NELL1: variants seen among roughly 807,000 people sequenced by gnomAD.
NELL1 encodes the protein neural EGFL like 1, also known as protein kinase C-binding protein NELL1.
In NELL1, 76 loss-of-function variants were observed where a neutral mutation model predicts 107.4. The observed-to-expected ratio is 0.71, with a 90% confidence interval of 0.59 to 0.86. The LOEUF is 0.86. NELL1 is among the 40% of genes least tolerant of loss of function. The probability of loss-of-function intolerance (pLI) is 0.00; values close to 1 mark genes in which losing one functional copy is unlikely to be tolerated. For missense variants in NELL1, 1,024 were observed against 1,005.5 expected, an observed-to-expected ratio of 1.02 and a Z score of -0.25; for synonymous variants, 353 against 341.2, an observed-to-expected ratio of 1.03 and a Z score of -0.38.
intron 5 of NELL1, among the ~76,000 whole-genome samples, chr11:20,900,783 G>C (rs1849855890): frequency 6.6e-6 from 1 of 152,098 alleles, no homozygotes; most frequent in African/African-American, 2.4e-5. Flanking sequence ...GGGTGTGTGA[G>C]AGAGAACAAG....
intron 4 of NELL1, among the ~76,000 whole-genome samples, chr11:20,868,168 G>T (rs755315136): frequency 1.3e-5 from 2 of 152,136 alleles, no homozygotes; most frequent in African/African-American, 4.8e-5. Context: ...GATCAGGGAG[G>T]TTTAACCTGT....
intron 14 of NELL1, among the ~76,000 whole-genome samples, chr11:21,242,892 CATAAT>C (rs554747753): frequency 1.6e-3 from 237 of 152,238 alleles, no homozygotes; most frequent in African/African-American, 5.3e-3. Flanking sequence ...CTTCTAGTGA[CATAAT>C]AGAATAACAC....
At chr11:21,364,610 A>G (rs1458575409) in intron 14 of NELL1, among the ~76,000 whole-genome samples, 2 of 152,158 alleles carry the variant, frequency 1.3e-5, no homozygotes, top group African/African-American at 2.4e-5. Flanking sequence ...TGCATTATAC[A>G]TACTAAGAAT....
chr11:20,678,440 G>T (rs1223304531), intron 2 of NELL1, among the ~76,000 whole-genome samples: 2 of 152,098 alleles, frequency 1.3e-5, no homozygotes, highest in South Asian at 2.1e-4. Context: ...TAGTGGATAG[G>T]CCATAAGAAC....
intron 13 of NELL1, among the ~76,000 whole-genome samples, chr11:21,193,046 C>T (rs1315045157): frequency 6.6e-6 from 1 of 151,792 alleles, no homozygotes; most frequent in Admixed American, 6.6e-5. Context: ...GACTCTAATC[C>T]ATAACTTGAC....
chr11:20,817,187 G>A (rs1204233335), intron 3 of NELL1, among the ~76,000 whole-genome samples: 1 of 152,020 alleles, frequency 6.6e-6, no homozygotes, highest in Non-Finnish European at 1.5e-5. Context: ...TCCTACTCTA[G>A]TTTTTGGAAT....
intron 2 of NELL1, among the ~76,000 whole-genome samples, chr11:20,727,077 A>G (rs1404229424): frequency 6.6e-6 from 1 of 152,138 alleles, no homozygotes; most frequent in African/African-American, 2.4e-5. Context: ...GTGTCTTTAT[A>G]GTAGCATGAT....
chr11:21,226,133 G>A (rs1857887096), intron 13 of NELL1, among the ~76,000 whole-genome samples: 1 of 152,176 alleles, frequency 6.6e-6, no homozygotes. Context: ...TTCTTTGGCT[G>A]TCTCTATTAA....
intron 1 of NELL1, among the ~76,000 whole-genome samples, chr11:20,673,894 C>G (rs1392075750): frequency 6.6e-6 from 1 of 151,832 alleles, no homozygotes; most frequent in Non-Finnish European, 1.5e-5. Context: ...CAAGACAGCC[C>G]ATGTCAATGC....
At chr11:20,889,731 AG>A (rs1233483855) in intron 5 of NELL1, among the ~76,000 whole-genome samples, 3 of 152,316 alleles carry the variant, frequency 2.0e-5, no homozygotes, top group Admixed American at 1.3e-4. Flanking sequence ...GGAGAGAAGG[AG>A]GAACAGTGCG....
chr11:20,972,514 G>A (rs1439242417), intron 12 of NELL1, among the ~76,000 whole-genome samples: 3 of 152,124 alleles, frequency 2.0e-5, no homozygotes, highest in Non-Finnish European at 2.9e-5. Flanking sequence ...CACTGAGACC[G>A]TAGCATGAGA....
At chr11:21,276,982 G>A (rs1313040412) in intron 14 of NELL1, among the ~76,000 whole-genome samples, 1 of 151,274 alleles carries the variant, frequency 6.6e-6, no homozygotes. Context: ...CAGGACATAG[G>A]CATGGGCAAG....
chr11:21,493,499 C>A (rs1854886998), intron 15 of NELL1, among the ~76,000 whole-genome samples: 1 of 148,004 alleles, frequency 6.8e-6, no homozygotes, highest in Non-Finnish European at 1.5e-5. Context: ...AAATTAGATA[C>A]CACATATTCT....
chr11:21,082,589 T>G (rs555119686), intron 12 of NELL1, among the ~76,000 whole-genome samples: 4 of 152,296 alleles, frequency 2.6e-5, no homozygotes, highest in Admixed American at 2.0e-4. Flanking sequence ...GGTTTAAACT[T>G]CAAAGTCTTC....
At chr11:21,329,123 G>C (rs1001824378) in intron 14 of NELL1, among the ~76,000 whole-genome samples, 1 of 152,046 alleles carries the variant, frequency 6.6e-6, no homozygotes, top group Non-Finnish European at 1.5e-5. Flanking sequence ...GAATGATATG[G>C]TTCATCTGTA....
intron 3 of NELL1, among the ~76,000 whole-genome samples, chr11:20,791,257 A>G (rs1002901349): frequency 6.6e-6 from 1 of 151,240 alleles, no homozygotes; most frequent in Non-Finnish European, 1.5e-5. Flanking sequence ...ATTTCTTTCA[A>G]TTTTTTTTGT....
intron 15 of NELL1, among the ~76,000 whole-genome samples, chr11:21,444,135 G>C (rs1269297136): frequency 6.6e-6 from 1 of 152,004 alleles, no homozygotes; most frequent in African/African-American, 2.4e-5. Context: ...ATACTCTAAA[G>C]AGTTTTAACA....
At chr11:21,255,012 C>T (rs1858733837) in intron 14 of NELL1, among the ~76,000 whole-genome samples, 1 of 152,032 alleles carries the variant, frequency 6.6e-6, no homozygotes, top group South Asian at 2.1e-4. Flanking sequence ...ACATGCTGGG[C>T]TAGGATGAGC....
rs565815078 is a variant in NELL1, at chr11:20,923,967, G to A, written c.760-3341G>A. ...TCATTGACCTCTGATGATAAAAAAG[G>A]CCTCTGCTGTCTATCTTTCATTATG... On this transcript the variant is annotated intron_variant, in intron 7 of 19. Transcript: ENST00000357134. Among the ~76,000 whole-genome samples, 53 of 152,240 alleles carry A rather than the reference G, an allele frequency of 3.5e-4. 1 individual carries two copies. In the South Asian group the frequency reaches 0.01, roughly 30 times the overall value.
Sources: allele counts gnomAD v4.1 joint callset (sites outside exome capture counted in the v4.1 genomes callset), GRCh38; gene constraint gnomAD v4.1.1; transcripts MANE v1.5; gene names NCBI Gene and HGNC (gene_info 2026-07-23, HGNC 2026-07-21).